Variants in ANKRD36 observed in about 807,000 individuals in gnomAD.
ANKRD36 encodes ankyrin repeat domain 36, also known as ankyrin repeat domain-containing protein 36A.
In ANKRD36, 179 loss-of-function variants were observed where a neutral mutation model predicts 278.1. That is an observed-to-expected ratio of 0.64 (90% CI 0.57 to 0.73). The LOEUF is 0.73. ANKRD36 is among the 30% of genes least tolerant of loss of function. The pLI, the probability that ANKRD36 is intolerant of heterozygous loss-of-function variation, is 0.00. For missense variants in ANKRD36, 1,159 were observed against 1,956.7 expected (o/e 0.59, Z 7.69); for synonymous variants, 320 against 641.1 (o/e 0.50, Z 7.57).
In ANKRD36 at chr2:97,137,607, A is replaced by G. The variant is rs556957980; in HGVS notation, c.800-5033A>G. On this transcript the variant is annotated intron_variant, in intron 6 of 75. Transcript: ENST00000420699. ...TATATATATATACACACACACACAC[A>G]CCGAGTATATGCCCAGTAATGGGAT... Among the ~76,000 whole-genome samples the G allele has an allele frequency of 1.1e-3, 165 of 151,516 alleles. 4 individuals carry two copies. The East Asian group carries it at 0.013, about 12-fold the overall frequency.
At chr2:97,183,683 T>G in intron 28 of ANKRD36, 29 bp downstream of exon 28, 1 of 1,552,544 alleles carries the variant, frequency 6.4e-7, no homozygotes, top group Non-Finnish European at 8.7e-7. Context: ...TTTAATGTCA[T>G]GTGCACTCAA....
chr2:97,199,361 T>C (rs535086425), intron 44 of ANKRD36, among the ~76,000 whole-genome samples: 11 of 152,036 alleles, frequency 7.2e-5, no homozygotes, highest in Admixed American at 2.0e-4. Context: ...ATTTTAGTTA[T>C]AAAAATCAGA....
chr2:97,134,517 G>A (rs541978467), intron 6 of ANKRD36, among the ~76,000 whole-genome samples: 2 of 152,158 alleles, frequency 1.3e-5, no homozygotes, highest in South Asian at 2.1e-4. Context: ...AGTAAATACT[G>A]TAGGCATACA....
At chr2:97,216,070 A>G (rs2065855572) in intron 62 of ANKRD36, among the ~76,000 whole-genome samples, 1 of 151,822 alleles carries the variant, frequency 6.6e-6, no homozygotes, top group Non-Finnish European at 1.5e-5. Flanking sequence ...TTTGCATAAA[A>G]GAATATTAAA....
intron 6 of ANKRD36, among the ~76,000 whole-genome samples, chr2:97,130,612 A>G (rs1441467988): frequency 3.3e-5 from 5 of 149,564 alleles, no homozygotes; most frequent in Non-Finnish European, 6.0e-5. Flanking sequence ...AGTAGCCTAC[A>G]TACGAGCAGT....
chr2:97,133,537 T>A (rs1158358063), intron 6 of ANKRD36, among the ~76,000 whole-genome samples: 3 of 151,998 alleles, frequency 2.0e-5, no homozygotes, highest in Non-Finnish European at 4.4e-5. Context: ...TTTGTTAAAT[T>A]TCTGTTTATA....
At chr2:97,131,200 T>A (rs1319885620) in intron 6 of ANKRD36, among the ~76,000 whole-genome samples, 1 of 151,848 alleles carries the variant, frequency 6.6e-6, no homozygotes, top group Non-Finnish European at 1.5e-5. Context: ...CTTGATTTTT[T>A]TTTTTTTGAG....
At chr2:97,146,256 C>T (rs947643708) in intron 10 of ANKRD36, among the ~76,000 whole-genome samples, 6 of 149,430 alleles carry the variant, frequency 4.0e-5, no homozygotes, top group African/African-American at 1.2e-4. Context: ...TGTGACCCAC[C>T]GAGCCCTGCC....
Position 97,147,363 on chromosome 2 carries a change from A to G in ANKRD36, c.1034+847A>G, listed in dbSNP as rs530693214. ...TTCTTAGGGTTTAAGATCTTCTTTT[A>G]TAGTTTTCATGTATGGCAGCTAAAT... On this transcript the variant is annotated intron_variant, in intron 11 of 75. Transcript: ENST00000420699. Among the ~76,000 whole-genome samples, 289 of 151,752 alleles carry G rather than the reference A, an allele frequency of 1.9e-3. 1 individual carries two copies. The highest frequency in any genetic ancestry group is 6.7e-3 in the African/African-American group (277 of 41,462).
Position 97,151,935 on chromosome 2 carries a change from A to C in ANKRD36, c.1158A>C (p.Lys386Asn), listed in dbSNP as rs921014299. The part of the protein sequence containing the change: ...KRKIISPRSI[K>N]DVLPPVEEAV... ...AGATTATTTCTCCACGATCTATAAA[A>C]GATGGTAAGTTATTTGAAGGCTGCC... is the stretch of plus-strand genomic sequence containing the variant. The change falls in exon 13 of 76, where the codon AAA becomes AAC. Residue 386 changes from lysine (K) to asparagine (N), a missense_variant. Transcript: ENST00000420699. The C allele has an allele frequency of 4.1e-5, 60 of 1,454,950 alleles. No homozygotes were observed. The highest frequency in any genetic ancestry group is 5.3e-5 in the Non-Finnish European group (57 of 1,075,480). 90.1% of individuals were successfully genotyped at this position (1,454,950 alleles called of 1,614,324 possible). A position where few individuals can be genotyped will look rare whatever the true frequency, so the allele number is the denominator to read the frequency against.
intron 11 of ANKRD36, 57 bp downstream of exon 11, chr2:97,146,573 G>C: frequency 7.1e-7 from 1 of 1,409,080 alleles, no homozygotes; most frequent in Non-Finnish European, 9.5e-7. Context: ...AGAGAGAATA[G>C]AAACTAGTAT....
rs1019471002 is a variant in ANKRD36, at chr2:97,171,722, T to TAA, written c.1633+3965_1633+3966dup. ...ATAATTAAAAAAAAAAAGTGTTCTG[T>TAA]AAAAAAAAAAACAAAAACAAAAAAA... On this transcript the variant is annotated intron_variant, in intron 22 of 75. Coordinates refer to ENST00000420699, the MANE Select transcript of ANKRD36 (RefSeq NM_001354587.1). Among the ~76,000 whole-genome samples the TAA allele has an allele frequency of 1.5e-5, 2 of 133,432 alleles. 1 individual carries two copies. The highest frequency in any genetic ancestry group is 4.7e-4 in the South Asian group (2 of 4,234). 87.5% of individuals were successfully genotyped at this position (133,432 alleles called of 152,430 possible). A position where few individuals can be genotyped will look rare whatever the true frequency, so the allele number is the denominator to read the frequency against.
chr2:97,161,168 T>A (rs2048766198), intron 17 of ANKRD36, among the ~76,000 whole-genome samples: 1 of 152,286 alleles, frequency 6.6e-6, no homozygotes, highest in South Asian at 2.1e-4. Flanking sequence ...CCCAGATCAG[T>A]CTTCTAAGTC....
chr2:97,233,009 T>A (rs1440591372), intron 67 of ANKRD36, among the ~76,000 whole-genome samples: 1 of 144,540 alleles, frequency 6.9e-6, no homozygotes, highest in African/African-American at 2.6e-5. Context: ...GCATGTGATT[T>A]AAAAAAAAAA....
chr2:97,183,256 A>T (rs949196850), intron 26 of ANKRD36, among the ~76,000 whole-genome samples: 64 of 151,578 alleles, frequency 4.2e-4, no homozygotes, highest in African/African-American at 1.4e-3. Context: ...GTAATTTCTG[A>T]CTGTATATTT....
chr2:97,200,979 C>T (rs551548477), intron 46 of ANKRD36, among the ~76,000 whole-genome samples: 68 of 151,916 alleles, frequency 4.5e-4, no homozygotes, highest in African/African-American at 2.9e-4. Context: ...TGAATGAAGA[C>T]GGATTGTGAG....
intron 32 of ANKRD36, among the ~76,000 whole-genome samples, 199 bp downstream of exon 32, chr2:97,187,600 A>G (rs191954203): frequency 6.6e-6 from 1 of 151,920 alleles, no homozygotes; most frequent in East Asian, 2.0e-4. Flanking sequence ...TCTTCGCAGT[A>G]AGATTATACA....
chr2:97,146,410 T>C, intron 10 of ANKRD36, 76 bp from the exon 11 acceptor site: 1 of 1,225,886 alleles, frequency 8.2e-7, no homozygotes, highest in Non-Finnish European at 1.1e-6. Context: ...AACAAGTCAC[T>C]GTGCTCTTTT....
At chr2:97,186,222 A>T (rs1004972811) in intron 30 of ANKRD36, among the ~76,000 whole-genome samples, 1 of 151,612 alleles carries the variant, frequency 6.6e-6, no homozygotes, top group African/African-American at 2.4e-5. Context: ...TTGTTATAAA[A>T]ATTAGATAAA....
Sources: allele counts gnomAD v4.1 joint callset (sites outside exome capture counted in the v4.1 genomes callset), GRCh38; gene constraint gnomAD v4.1.1; transcripts MANE v1.5; gene names NCBI Gene and HGNC (gene_info 2026-07-23, HGNC 2026-07-21).